The following MTUS2 variants were observed in gnomAD, a reference collection of about 807,000 sequenced individuals.
The protein encoded by MTUS2 is microtubule-associated tumor suppressor candidate 2.
A neutral mutation model predicts 114.1 loss-of-function variants in MTUS2; 40 were observed. The observed-to-expected ratio is 0.35, with a 90% CI of 0.27 to 0.46. MTUS2 has a LOEUF of 0.46. Ranked by LOEUF, MTUS2 falls within the 20% of genes least tolerant of loss-of-function variation. MTUS2 has a pLI of 1.00. For synonymous variants in MTUS2, 688 were observed against 672.0 expected (o/e 1.02, Z -0.37); for missense variants, 1,679 against 1,705.4 (o/e 0.98, Z 0.27).
At chr13:29,428,624 G>A in intron 8 of MTUS2, 4 of 121,248 alleles carry the variant, frequency 3.3e-5, no homozygotes, top group Non-Finnish European at 6.1e-5. Flanking sequence ...TCCCGCAGCA[G>A]CAAGATCTGA....
At chr13:29,331,699 C>A (rs564829701) in intron 7 of MTUS2, among the ~76,000 whole-genome samples, 1 of 152,170 alleles carries the variant, frequency 6.6e-6, no homozygotes, top group Non-Finnish European at 1.5e-5. Context: ...GTGGGTTTAT[C>A]ATAAATAGCT....
intron 5 of MTUS2, among the ~76,000 whole-genome samples, chr13:29,180,667 GTC>G (rs1893960981): frequency 6.6e-6 from 1 of 152,090 alleles, no homozygotes; most frequent in Non-Finnish European, 1.5e-5. Context: ...CAGGTCACAG[GTC>G]ACTGGCTAGG....
intron 2 of MTUS2, among the ~76,000 whole-genome samples, chr13:28,987,774 G>T (rs949068435): frequency 6.6e-6 from 1 of 152,202 alleles, no homozygotes; most frequent in African/African-American, 2.4e-5. Context: ...TCCATAAAAA[G>T]CACACATCCC....
At chr13:29,068,586 G>A (rs902290961) in intron 4 of MTUS2, among the ~76,000 whole-genome samples, 5 of 152,200 alleles carry the variant, frequency 3.3e-5, no homozygotes, top group Non-Finnish European at 7.3e-5. Flanking sequence ...GTAATTGACT[G>A]TTGTGAGGCA....
intron 5 of MTUS2, among the ~76,000 whole-genome samples, chr13:29,149,353 C>T (rs1276717812): frequency 6.6e-6 from 1 of 152,102 alleles, no homozygotes; most frequent in Non-Finnish European, 1.5e-5. Flanking sequence ...ATGTCCTTTG[C>T]CCACTTTTTA....
At chr13:29,153,340 C>T (rs1892733891) in intron 5 of MTUS2, among the ~76,000 whole-genome samples, 1 of 152,194 alleles carries the variant, frequency 6.6e-6, no homozygotes, top group Non-Finnish European at 1.5e-5. Context: ...TAACCACCCA[C>T]AAATCCACAA....
At chr13:29,228,999 T>C (rs1354663623) in intron 5 of MTUS2, among the ~76,000 whole-genome samples, 1 of 152,124 alleles carries the variant, frequency 6.6e-6, no homozygotes, top group African/African-American at 2.4e-5. Context: ...CTGCACTGCC[T>C]CCGGCTGCTA....
intron 5 of MTUS2, among the ~76,000 whole-genome samples, chr13:29,223,888 C>T (rs538275164): frequency 1.9e-4 from 29 of 152,354 alleles, no homozygotes; most frequent in African/African-American, 5.8e-4. Flanking sequence ...TTCCCTGTGC[C>T]AGCCATGAAA....
At chr13:29,386,377 T>C (rs1246712826) in intron 8 of MTUS2, among the ~76,000 whole-genome samples, 1 of 152,158 alleles carries the variant, frequency 6.6e-6, no homozygotes, top group Non-Finnish European at 1.5e-5. Context: ...GGTAAGGGAT[T>C]TGCACTAATC....
chr13:28,996,780 C>A (rs1277067628), intron 2 of MTUS2, among the ~76,000 whole-genome samples: 9 of 152,158 alleles, frequency 5.9e-5, no homozygotes, highest in African/African-American at 2.2e-4. Context: ...CTATTTGATT[C>A]TTTTCTCTTT....
At chr13:29,441,417 A>G (rs1387283475) in intron 9 of MTUS2, among the ~76,000 whole-genome samples, 3 of 152,140 alleles carry the variant, frequency 2.0e-5, no homozygotes, top group Non-Finnish European at 4.4e-5. Context: ...TGTTGTTTTT[A>G]TGGAGATTGA....
At chr13:29,290,534 A>G (rs1428133768) in intron 6 of MTUS2, among the ~76,000 whole-genome samples, 6 of 151,974 alleles carry the variant, frequency 3.9e-5, no homozygotes, top group African/African-American at 1.2e-4. Context: ...GTTTCACCGC[A>G]TTAGCCAGGA....
In MTUS2 at chr13:29,389,750, CATATGTGTGTATATGTATAT is replaced by C. The variant is rs1873149168; in HGVS notation, c.3117+30279_3117+30298del. On this transcript the variant is annotated intron_variant, in intron 8 of 15. Coordinates refer to ENST00000612955, the MANE Select transcript of MTUS2 (RefSeq NM_001033602.4). Reference sequence around the variant, plus strand: ...ATATGTGTGTATATGTATATACATACATATGTGTGTATATGTATATACATACATATGTGTGTATATGTATA... The same window carrying C: ...ATATGTGTGTATATGTATATACATACACATACATATGTGTGTATATGTATA... Among the ~76,000 whole-genome samples the C allele has an allele frequency of 7.1e-5, 2 of 28,304 alleles. 1 individual carries two copies. The highest frequency in any genetic ancestry group is 9.1e-4 in the Admixed American group (2 of 2,200). The allele number at this position is 28,304 out of a possible 152,430, so 18.6% of individuals were successfully genotyped here. A position where few individuals can be genotyped will look rare whatever the true frequency, so the allele number is the denominator to read the frequency against.
chr13:29,184,997 A>G (rs1271360012), intron 5 of MTUS2, among the ~76,000 whole-genome samples: 2 of 152,150 alleles, frequency 1.3e-5, no homozygotes, highest in Non-Finnish European at 2.9e-5. Context: ...AATATGTTCA[A>G]GTAACTAAAA....
intron 5 of MTUS2, among the ~76,000 whole-genome samples, chr13:29,234,101 C>G (rs1245694881): frequency 6.6e-6 from 1 of 152,158 alleles, no homozygotes; most frequent in East Asian, 1.9e-4. Flanking sequence ...GGGAAAATAG[C>G]TTCCAGTCCC....
chr13:29,302,044 A>G (rs1253777140), intron 6 of MTUS2, among the ~76,000 whole-genome samples: 1 of 152,180 alleles, frequency 6.6e-6, no homozygotes, highest in Non-Finnish European at 1.5e-5. Flanking sequence ...ATACCATCAC[A>G]TTAGAAATTG....
At chr13:29,324,801 C>G in intron 7 of MTUS2, 90 bp downstream of exon 7, 1 of 960,190 alleles carries the variant, frequency 1.0e-6, no homozygotes, top group Non-Finnish European at 1.6e-6. Context: ...CAATGCCAAC[C>G]CATGTGATTT....
intron 4 of MTUS2, among the ~76,000 whole-genome samples, chr13:29,059,473 C>G (rs951529443): frequency 6.6e-6 from 1 of 152,084 alleles, no homozygotes; most frequent in Non-Finnish European, 1.5e-5. Flanking sequence ...CTGAGTGCTT[C>G]CTGGTAGAAT....
intron 8 of MTUS2, among the ~76,000 whole-genome samples, chr13:29,418,522 A>G (rs538237567): frequency 2.6e-5 from 4 of 152,232 alleles, no homozygotes; most frequent in Non-Finnish European, 5.9e-5. Flanking sequence ...ATGATCAGCT[A>G]GCCAACTTCC....
Sources: gnomAD v4.1 joint callset for allele counts (sites outside exome capture counted in the v4.1 genomes callset) on GRCh38, gnomAD v4.1.1 for gene constraint, MANE v1.5 for transcripts, NCBI Gene and HGNC (gene_info 2026-07-23, HGNC 2026-07-21) for gene names.